USO1: variants seen among roughly 807,000 people sequenced by gnomAD.
USO1 encodes USO1 vesicle transport factor.
Under a neutral mutation model 124.5 loss-of-function variants are expected in USO1, and 57 were observed. The observed-to-expected ratio is 0.46, with a 90% CI of 0.37 to 0.57. The LOEUF is 0.57. USO1 is among the 20% of genes least tolerant of loss of function. The pLI, the probability that USO1 is intolerant of heterozygous loss-of-function variation, is 0.00. For missense variants in USO1, 900 were observed against 1,040.6 expected (o/e 0.86, Z 1.86); for synonymous variants, 369 against 362.8 (o/e 1.02, Z -0.19).
At chr4:75,770,720 A>T (rs1254013399) in intron 5 of USO1, 102 bp from the exon 6 acceptor site, 17 of 1,533,012 alleles carry the variant, frequency 1.1e-5, no homozygotes, top group Non-Finnish European at 1.5e-5. Context: ...CTAAACTTCC[A>T]TGTTTTACTT....
At chr4:75,804,850 T>G (rs879460110) in intron 18 of USO1, among the ~76,000 whole-genome samples, 1 of 152,212 alleles carries the variant, frequency 6.6e-6, no homozygotes, top group Non-Finnish European at 1.5e-5. Flanking sequence ...AGGATTTTAT[T>G]TTCTCATATT....
chr4:75,803,226 A>G (rs1722903437), intron 17 of USO1, among the ~76,000 whole-genome samples: 1 of 152,088 alleles, frequency 6.6e-6, no homozygotes, highest in Non-Finnish European at 1.5e-5. Flanking sequence ...TTTGAAAACT[A>G]TGTAGCAATA....
At chr4:75,726,690 A>T (rs897060671) in intron 1 of USO1, among the ~76,000 whole-genome samples, 5 of 152,196 alleles carry the variant, frequency 3.3e-5, no homozygotes, top group Admixed American at 6.5e-5. Context: ...ACACACGCAC[A>T]CATTTGGCTT....
At position 75,734,718 on chromosome 4, in the gene USO1, CTTTTTTTTTTTTTT is replaced by C. The variant is rs55928639; in HGVS notation, c.66+9848_66+9861del. Among the ~76,000 whole-genome samples the C allele has an allele frequency of 2.3e-4, 11 of 47,464 alleles. No homozygotes were observed. In the South Asian group the frequency reaches 7.9e-3, roughly 34 times the overall value. 31.1% of individuals were successfully genotyped at this position (47,464 alleles called of 152,430 possible). A position where few individuals can be genotyped will look rare whatever the true frequency, so the allele number is the denominator to read the frequency against. On this transcript the variant is annotated intron_variant, in intron 1 of 23. Coordinates refer to ENST00000514213, the MANE Select transcript of USO1 (RefSeq NM_003715.4). The stretch of plus-strand genomic sequence containing the variant: ...CTGTAGATTGCTTTGGGCAGTATGG[CTTTTTTTTTTTTTT>C]TTTTTTTTTTTTTTGAATTAGAGCC...
At chr4:75,753,550 A>T (rs1222445002) in intron 3 of USO1, among the ~76,000 whole-genome samples, 1 of 151,534 alleles carries the variant, frequency 6.6e-6, no homozygotes, top group Non-Finnish European at 1.5e-5. Flanking sequence ...AACAAAAAAG[A>T]TAAATAATAA....
chr4:75,737,507 A>T (rs1296633871), intron 1 of USO1, among the ~76,000 whole-genome samples: 1 of 148,484 alleles, frequency 6.7e-6, no homozygotes, highest in African/African-American at 2.5e-5. Context: ...AGCTACCATT[A>T]GCTGTCAGGC....
chr4:75,813,126 T>A, intron 23 of USO1, 80 bp from the exon 24 acceptor site: 18 of 1,357,460 alleles, frequency 1.3e-5, no homozygotes, highest in South Asian at 9.2e-5. Context: ...AAAAAAAAAA[T>A]TATCAGTAGT....
chr4:75,738,993 C>T (rs944814818), intron 1 of USO1, among the ~76,000 whole-genome samples: 1 of 151,996 alleles, frequency 6.6e-6, no homozygotes. Context: ...GCTGGGATTA[C>T]AGGTGCCCGC....
chr4:75,760,887 T>A (rs1463300591), intron 4 of USO1, among the ~76,000 whole-genome samples: 1 of 152,166 alleles, frequency 6.6e-6, no homozygotes, highest in African/African-American at 2.4e-5. Flanking sequence ...TGGCTCACAC[T>A]TGTAATCCCA....
At chr4:75,742,669 C>G (rs900079134) in intron 1 of USO1, among the ~76,000 whole-genome samples, 1 of 152,210 alleles carries the variant, frequency 6.6e-6, no homozygotes, top group African/African-American at 2.4e-5. Context: ...TAGGGGCAAA[C>G]ATTTCTGACT....
intron 8 of USO1, among the ~76,000 whole-genome samples, chr4:75,782,013 CAAA>C (rs1722234807): frequency 1.3e-5 from 2 of 151,542 alleles, no homozygotes; most frequent in African/African-American, 4.9e-5. Flanking sequence ...ATGCTGTAAA[CAAA>C]GAAGAAAAAG....
chr4:75,791,277 A>G (rs1267208840), intron 12 of USO1, among the ~76,000 whole-genome samples: 1 of 152,230 alleles, frequency 6.6e-6, no homozygotes, highest in Non-Finnish European at 1.5e-5. Context: ...TAATCCCAAC[A>G]TTTTGGGAGG....
rs1723113350 is a variant in USO1 at position 75,810,454 on chromosome 4, G to A, written c.2498G>A (p.Gly833Glu). The stretch of plus-strand genomic sequence containing the variant: ...CAGGCAAAATCAGTTGAGGTACAAG[G>A]AGAGACCGAGACTATAATAGCCACC... ...EAFAKSVEVQ[G>E]ETETIIATKT... is the part of the protein sequence containing the mutation. Residue 833 changes from glycine to glutamate, a missense_variant, in exon 22 of 24, where the codon GGA becomes GAA. Gly to Glu is a moderately conservative substitution (Grantham distance 98, BLOSUM62 -2). This residue lies in a region of USO1 where 362 missense variants were observed against 359.0 expected (regional missense o/e 1.01). Coordinates refer to ENST00000514213, the MANE Select transcript of USO1 (RefSeq NM_003715.4). 1 of 1,611,880 alleles carries A rather than the reference G, an allele frequency of 6.2e-7. No homozygotes were observed. Among genetic ancestry groups the A allele is most frequent in the Admixed American group, 1.7e-5 (1 of 59,736 alleles).
intron 12 of USO1, among the ~76,000 whole-genome samples, chr4:75,793,179 C>T (rs1227500091): frequency 6.7e-6 from 1 of 149,290 alleles, no homozygotes; most frequent in Non-Finnish European, 1.5e-5. Flanking sequence ...AAGGGATACT[C>T]AACCTATGTT....
chr4:75,758,651 G>A (rs1721509512), intron 4 of USO1, among the ~76,000 whole-genome samples: 1 of 152,098 alleles, frequency 6.6e-6, no homozygotes, highest in African/African-American at 2.4e-5. Flanking sequence ...GGGAGGCTGG[G>A]GTGGAAGGAT....
intron 8 of USO1, among the ~76,000 whole-genome samples, chr4:75,777,688 C>A (rs1272576763): frequency 6.6e-6 from 1 of 152,094 alleles, no homozygotes; most frequent in Non-Finnish European, 1.5e-5. Flanking sequence ...AACATTGACA[C>A]CACCAAATGA....
intron 11 of USO1, 74 bp from the exon 12 acceptor site, chr4:75,790,569 A>G (rs1176432061): frequency 3.3e-6 from 5 of 1,522,714 alleles, no homozygotes; most frequent in Non-Finnish European, 8.8e-7. Context: ...TCAATCAACA[A>G]AAATGACTAG....
chr4:75,812,062 A>G, intron 22 of USO1, 98 bp from the exon 23 acceptor site: 1 of 1,516,498 alleles, frequency 6.6e-7, no homozygotes, highest in East Asian at 2.5e-5. Context: ...TAGGTTGAAC[A>G]AGTACAGTGA....
intron 1 of USO1, among the ~76,000 whole-genome samples, chr4:75,744,429 T>A (rs1721062594): frequency 6.6e-6 from 1 of 152,114 alleles, no homozygotes; most frequent in Admixed American, 6.6e-5. Flanking sequence ...CTATAATAAT[T>A]ATTATTTTGA....
Sources: allele counts gnomAD v4.1 joint callset (sites outside exome capture counted in the v4.1 genomes callset), GRCh38; gene constraint gnomAD v4.1.1; regional missense constraint gnomAD v4.1.1; transcripts MANE v1.5; gene names NCBI Gene and HGNC (gene_info 2026-07-23, HGNC 2026-07-21).